The following TMEM192 variants were observed in gnomAD, a reference collection of about 807,000 sequenced individuals.
TMEM192 encodes transmembrane protein 192.
TMEM192 carries 20 observed loss-of-function variants against 26.7 expected under a neutral mutation model. The observed-to-expected ratio is 0.75, with a 90% CI of 0.53 to 1.09. TMEM192 has a LOEUF of 1.09. Among genes scored for constraint, TMEM192 ranks in the 50% least tolerant of loss-of-function variants. TMEM192 has a pLI of 0.00. For missense variants in TMEM192, 304 were observed against 322.6 expected (o/e 0.94, Z 0.44); for synonymous variants, 124 against 121.0 (o/e 1.02, Z -0.16).
intron 1 of TMEM192, among the ~76,000 whole-genome samples, chr4:165,107,672 C>CT (rs1474841778): frequency 1.3e-5 from 2 of 152,176 alleles, no homozygotes; most frequent in African/African-American, 4.8e-5. Context: ...ATTTCCCTCC[C>CT]TCCTGGTGCC....
chr4:165,097,569 CTTTT>C (rs574785092), intron 3 of TMEM192, among the ~76,000 whole-genome samples: 1 of 107,990 alleles, frequency 9.3e-6, no homozygotes, highest in Non-Finnish European at 1.8e-5. Context: ...TCTGTGGAGC[CTTTT>C]TTTTTTTTTT....
In TMEM192 at chr4:165,100,618, T is replaced by C. The variant is rs188807374; in HGVS notation, c.439+10A>G. The C allele has an allele frequency of 2.6e-4, 425 of 1,605,782 alleles. 1 individual carries two copies. In the Middle Eastern group the frequency reaches 3.3e-3, roughly 13 times the overall value. ...AAGCACCCAAGTAGCTGAGAGAAAA[T>C]TGGACATACCAGAGGACTGTATCAT... On this transcript the variant is annotated intron_variant, in intron 3 of 5. Coordinates refer to ENST00000306480, the MANE Select transcript of TMEM192 (RefSeq NM_001100389.2).
chr4:165,073,901 C>T lies in TMEM192; in HGVS notation c.*5757G>A, dbSNP rs1338532097. 2.0e-5 allele frequency: 3 copies of T among 152,264 alleles called. No homozygotes were observed. Among genetic ancestry groups the T allele is most frequent in the Admixed American group, 2.0e-4 (3 of 15,274 alleles). 9.4% of individuals were successfully genotyped at this position (152,264 alleles called of 1,614,324 possible). On this transcript the variant is annotated 3_prime_UTR_variant, in exon 6 of 6. Transcript: ENST00000306480. ...GCTGACCTTCTCCCCACCTGTTGCCCCGCTACACTCCCCTCGTCAAGATAT... is the reference window on the plus strand; with the variant it reads ...GCTGACCTTCTCCCCACCTGTTGCCTCGCTACACTCCCCTCGTCAAGATAT...
At chr4:165,083,970 C>T (rs1392526490) in intron 5 of TMEM192, among the ~76,000 whole-genome samples, 1 of 150,582 alleles carries the variant, frequency 6.6e-6, no homozygotes, top group African/African-American at 2.4e-5. Flanking sequence ...TACAGGTGTG[C>T]ATCACTTTGC....
At chr4:165,088,882 AT>A (rs1734686508) in intron 3 of TMEM192, among the ~76,000 whole-genome samples, 1 of 151,734 alleles carries the variant, frequency 6.6e-6, no homozygotes, top group African/African-American at 2.4e-5. Context: ...CTATAAAAAA[AT>A]ATAAAAAATT....
intron 5 of TMEM192, 109 bp downstream of exon 5, chr4:165,085,477 C>A: frequency 1.3e-6 from 1 of 745,896 alleles, no homozygotes; most frequent in Non-Finnish European, 2.2e-6. Context: ...ATAAACAAAT[C>A]AAACAAATGT....
At chr4:165,098,591 C>T (rs1316580769) in intron 3 of TMEM192, among the ~76,000 whole-genome samples, 1 of 152,070 alleles carries the variant, frequency 6.6e-6, no homozygotes, top group African/African-American at 2.4e-5. Context: ...TGATTATAGG[C>T]ATGAGCCACC....
At chr4:165,094,251 G>C (rs1395307271) in intron 3 of TMEM192, among the ~76,000 whole-genome samples, 1 of 152,016 alleles carries the variant, frequency 6.6e-6, no homozygotes, top group African/African-American at 2.4e-5. Context: ...TGGCCAAGCT[G>C]GTCTGGAACT....
rs1734317552 is a variant in TMEM192, at chr4:165,073,830, T to C, written c.*5828A>G. On this transcript the variant is annotated 3_prime_UTR_variant, in exon 6 of 6. Transcript: ENST00000306480. ...CATGCACATCCGGACACAGTACCTT[T>C]CCTTGAACTTATTCATGATACAGAT... 1 of 152,124 alleles carries C rather than the reference T, an allele frequency of 6.6e-6. No homozygotes were observed. The highest frequency in any genetic ancestry group is 1.5e-5 in the Non-Finnish European group (1 of 68,024). 9.4% of individuals were successfully genotyped at this position (152,124 alleles called of 1,614,324 possible).
chr4:165,093,844 T>C (rs898736809), intron 3 of TMEM192, among the ~76,000 whole-genome samples: 1 of 152,040 alleles, frequency 6.6e-6, no homozygotes, highest in African/African-American at 2.4e-5. Flanking sequence ...GCCTCCCTAG[T>C]AGCTGGAATT....
intron 3 of TMEM192, among the ~76,000 whole-genome samples, chr4:165,094,289 A>T (rs901039385): frequency 1.3e-5 from 2 of 151,886 alleles, no homozygotes; most frequent in African/African-American, 4.8e-5. Context: ...CGCCTGCCTT[A>T]GCCTCCCAAA....
chr4:165,085,701 A>T lies in TMEM192; in HGVS notation c.575-13T>A, dbSNP rs369175508. 470 of 1,514,786 alleles carry T rather than the reference A, an allele frequency of 3.1e-4. No individual in the cohort carries two copies. Among genetic ancestry groups the T allele is most frequent in the Admixed American group, 3.9e-4 (20 of 51,872 alleles). The allele number at this position is 1,514,786 out of a possible 1,614,324, so 93.8% of individuals were successfully genotyped here. A position where few individuals can be genotyped will look rare whatever the true frequency, so the allele number is the denominator to read the frequency against. ...CTCCGGATTTTCACTAAAATAATAA[A>T]GTCATTATTAGATCGAATTCTGAAA... On this transcript the variant is annotated splice_polypyrimidine_tract_variant and intron_variant, in intron 4 of 5. Transcript: ENST00000306480.
chr4:165,104,942 A>C (rs1184535445), intron 1 of TMEM192, among the ~76,000 whole-genome samples: 1 of 152,152 alleles, frequency 6.6e-6, no homozygotes, highest in African/African-American at 2.4e-5. Flanking sequence ...GCTCATTCTC[A>C]GTCAGCAGAT....
At chr4:165,103,708 G>A (rs991819134) in intron 1 of TMEM192, among the ~76,000 whole-genome samples, 1 of 152,102 alleles carries the variant, frequency 6.6e-6, no homozygotes, top group African/African-American at 2.4e-5. Flanking sequence ...TTTTAGTAGA[G>A]ATGGGGTTTC....
intron 3 of TMEM192, among the ~76,000 whole-genome samples, chr4:165,089,819 A>G (rs1734712234): frequency 6.6e-6 from 1 of 152,190 alleles, no homozygotes; most frequent in Non-Finnish European, 1.5e-5. Context: ...AGTACTCAGC[A>G]TGCCAAAGCC....
rs11402173 is a variant in TMEM192, at chr4:165,107,347, C to CAA, written c.28-4253_28-4252dup. On this transcript the variant is annotated intron_variant, in intron 1 of 5. Coordinates refer to ENST00000306480, the MANE Select transcript of TMEM192 (RefSeq NM_001100389.2). ...TTTTTTTTTAAAACAAAAACAAAAA[C>CAA]AAAAAAAAAAACAGGGTCTCACTCT... Among the ~76,000 whole-genome samples, 450 of 141,356 alleles carry CAA rather than the reference C, an allele frequency of 3.2e-3. 1 individual carries two copies. Among genetic ancestry groups the CAA allele is most frequent in the African/African-American group, 0.011 (406 of 38,358 alleles). 92.7% of individuals were successfully genotyped at this position (141,356 alleles called of 152,430 possible).
chr4:165,098,800 C>T (rs1433639918), intron 3 of TMEM192, among the ~76,000 whole-genome samples: 6 of 151,726 alleles, frequency 4.0e-5, no homozygotes, highest in African/African-American at 1.2e-4. Context: ...CAGGTTCAAG[C>T]GATTCTCCTG....
chr4:165,081,507 C>T (rs1387201457), intron 5 of TMEM192, among the ~76,000 whole-genome samples: 9 of 81,476 alleles, frequency 1.1e-4, no homozygotes, highest in South Asian at 5.8e-4. Flanking sequence ...CCTCAGCCTC[C>T]TGAGTAGCTG....
Position 165,077,285 on chromosome 4 carries a change from T to C in TMEM192, c.*2373A>G, listed in dbSNP as rs963734271. 2 of 152,234 alleles carry C rather than the reference T, an allele frequency of 1.3e-5. No individual in the cohort carries two copies. The highest frequency in any genetic ancestry group is 2.9e-5 in the Non-Finnish European group (2 of 68,038). 9.4% of individuals were successfully genotyped at this position (152,234 alleles called of 1,614,324 possible). The stretch of plus-strand genomic sequence containing the variant: ...AGTTCATCCTATAAATCTCAGATAC[T>C]GACTATAGATCCAAATTAAATTTTA... On this transcript the variant is annotated 3_prime_UTR_variant, in exon 6 of 6. Coordinates refer to ENST00000306480, the MANE Select transcript of TMEM192 (RefSeq NM_001100389.2).
Sources: allele counts gnomAD v4.1 joint callset (sites outside exome capture counted in the v4.1 genomes callset), GRCh38; gene constraint gnomAD v4.1.1; transcripts MANE v1.5; gene names NCBI Gene and HGNC (gene_info 2026-07-23, HGNC 2026-07-21).